SBNO1: variants seen among roughly 807,000 people sequenced by gnomAD.
SBNO1 encodes strawberry notch homolog 1, also known as protein strawberry notch homolog 1.
A neutral mutation model predicts 173.6 loss-of-function variants in SBNO1; 23 were observed. That is an observed-to-expected ratio of 0.13 (90% CI 0.10 to 0.19). The LOEUF (loss-of-function observed/expected upper bound fraction) is 0.19, where lower values mean the gene tolerates loss of function less well. Among genes scored for constraint, SBNO1 ranks in the 10% least tolerant of loss-of-function variants. SBNO1 has a pLI of 1.00. For missense variants in SBNO1, 1,238 were observed against 1,671.2 expected (o/e 0.74, Z 4.52); for synonymous variants, 632 against 571.5 (o/e 1.11, Z -1.51).
chr12:123,360,177 G>A (rs904249705), intron 1 of SBNO1, among the ~76,000 whole-genome samples: 3 of 151,722 alleles, frequency 2.0e-5, no homozygotes, highest in Non-Finnish European at 1.5e-5. Flanking sequence ...TCTGGGAGGC[G>A]GAGCTTGCAG....
At chr12:123,300,864 CAGG>C (rs2048762992) in intron 30 of SBNO1, among the ~76,000 whole-genome samples, 2 of 149,782 alleles carry the variant, frequency 1.3e-5, no homozygotes, top group Admixed American at 6.7e-5. Flanking sequence ...GAGGCTGAGG[CAGG>C]AGAACTGCTT....
intron 30 of SBNO1, among the ~76,000 whole-genome samples, chr12:123,301,625 G>A (rs2048792053): frequency 6.6e-6 from 1 of 152,156 alleles, no homozygotes; most frequent in African/African-American, 2.4e-5. Context: ...CAAGGGGTGA[G>A]GGGGCACAGC....
Position 123,341,021 on chromosome 12 carries a change from G to T in SBNO1, c.618C>A (p.Asn206Lys), listed in dbSNP as rs780595017. The T allele has an allele frequency of 3.1e-6, 5 of 1,602,180 alleles. No homozygotes were observed. The highest frequency in any genetic ancestry group is 4.3e-6 in the Non-Finnish European group (5 of 1,173,260). ...GGGAAAAACTCCTCATCTTCATGTC[G>T]TTTATCCACATTCTAGCTCCTTCTT... ...SNKEGARMWI[N>K]DMKMRSFSPT... Residue 206 changes from asparagine (N) to lysine (K), a missense_variant, in exon 5 of 32, where the codon AAC becomes AAA. Around this residue, in one of 14 missense-constraint regions of SBNO1, gnomAD observed 287 missense variants for 274.1 expected, o/e 1.05. Coordinates refer to ENST00000602398, the MANE Select transcript of SBNO1 (RefSeq NM_001167856.3).
chr12:123,311,716 CTATCTATATATA>C (rs1458899793), intron 24 of SBNO1, among the ~76,000 whole-genome samples: 10 of 60,956 alleles, frequency 1.6e-4, no homozygotes, highest in African/African-American at 2.7e-4. Context: ...ATCTATCTAT[CTATCTATATATA>C]TATATATATA....
At chr12:123,296,653 C>A (rs564725823) in intron 31 of SBNO1, among the ~76,000 whole-genome samples, 10 of 151,868 alleles carry the variant, frequency 6.6e-5, no homozygotes, top group Non-Finnish European at 1.2e-4. Flanking sequence ...CTCCGCCTCC[C>A]GGGTTGAAGT....
chr12:123,325,458 G>T (rs745430884), intron 15 of SBNO1, 44 bp downstream of exon 15: 1 of 1,371,648 alleles, frequency 7.3e-7, no homozygotes, highest in Non-Finnish European at 1.0e-6. Context: ...AGGTAAGGAA[G>T]AACTCAAAAA....
rs894794686 is a variant in SBNO1 at position 123,346,912 on chromosome 12, T to C, written c.237+1117A>G. On this transcript the variant is annotated intron_variant, in intron 3 of 31. Transcript: ENST00000602398. ...GGCCAACATGGTAAAACCCTGTCTC[T>C]ACTAAAGATACAAAAATTAGCCAGG... 4.0e-5 allele frequency among the ~76,000 whole-genome samples: 6 copies of C among 151,478 alleles called. No individual in the cohort carries two copies. The South Asian group carries it at 1.3e-3, about 32-fold the overall frequency.
At chr12:123,361,748 C>T (rs958244503) in intron 1 of SBNO1, among the ~76,000 whole-genome samples, 4 of 114,002 alleles carry the variant, frequency 3.5e-5, no homozygotes, top group South Asian at 5.6e-4. Flanking sequence ...AAAAAAAATA[C>T]AAAATTGCCT....
At chr12:123,322,061 A>T (rs1870042179) in intron 16 of SBNO1, among the ~76,000 whole-genome samples, 1 of 152,234 alleles carries the variant, frequency 6.6e-6, no homozygotes, top group African/African-American at 2.4e-5. Flanking sequence ...TGTGTATCAG[A>T]TTTGAGAAGA....
Position 123,345,557 on chromosome 12 carries a change from G to C in SBNO1, c.251C>G (p.Ser84Cys), listed in dbSNP as rs1037579475. 6.2e-7 allele frequency: 1 copy of C among 1,613,174 alleles called. No homozygotes were observed. Among genetic ancestry groups the C allele is most frequent in the Non-Finnish European group, 8.5e-7 (1 of 1,179,162 alleles). ...TTGATTCAGCACAAATGTTGTAGTA[G>C]ATGGAGGCTGCTGCTAGATAGAAAA... ...ALLNVRQQPP[S>C]TTTFVLNQIN... The change falls in exon 4 of 32, where the codon TCT becomes TGT. Residue 84 changes from serine to cysteine, a missense_variant. Ser to Cys is a moderately radical substitution (Grantham distance 112). Around this residue, in one of 14 missense-constraint regions of SBNO1, gnomAD observed 287 missense variants for 274.1 expected, o/e 1.05. Transcript: ENST00000602398.
chr12:123,300,474 G>A (rs1481982223), intron 30 of SBNO1, among the ~76,000 whole-genome samples: 1 of 152,012 alleles, frequency 6.6e-6, no homozygotes, highest in African/African-American at 2.4e-5. Flanking sequence ...TGGCTAACAC[G>A]GTGAAACCCC....
intron 7 of SBNO1, among the ~76,000 whole-genome samples, chr12:123,332,811 G>A (rs570722859): frequency 2.0e-5 from 3 of 152,134 alleles, no homozygotes; most frequent in East Asian, 1.9e-4. Flanking sequence ...AGGGTGACCC[G>A]CCTGCCTCAG....
At chr12:123,357,411 T>G (rs1593422040) in intron 1 of SBNO1, among the ~76,000 whole-genome samples, 1 of 151,222 alleles carries the variant, frequency 6.6e-6, no homozygotes, top group Non-Finnish European at 1.5e-5. Flanking sequence ...ACTGCACCAC[T>G]GCACTCCAGC....
At chr12:123,323,904 A>T in intron 15 of SBNO1, 73 bp from the exon 16 acceptor site, 2 of 1,139,032 alleles carry the variant, frequency 1.8e-6, no homozygotes, top group Non-Finnish European at 2.4e-6. Context: ...TATTAAATAT[A>T]TTGAAATATA....
At chr12:123,321,883 G>T in intron 16 of SBNO1, 151 bp from the exon 17 acceptor site, 1 of 655,674 alleles carries the variant, frequency 1.5e-6, no homozygotes, top group Non-Finnish European at 2.6e-6. Flanking sequence ...TCACAAACCA[G>T]CACTAACCTT....
intron 28 of SBNO1, among the ~76,000 whole-genome samples, chr12:123,307,798 G>A (rs909287333): frequency 1.3e-5 from 2 of 152,096 alleles, no homozygotes; most frequent in Non-Finnish European, 2.9e-5. Context: ...CATGCCAGGC[G>A]CGGTGGCTCA....
intron 1 of SBNO1, among the ~76,000 whole-genome samples, chr12:123,362,255 T>C (rs1387514476): frequency 6.6e-6 from 1 of 150,422 alleles, no homozygotes; most frequent in Non-Finnish European, 1.5e-5. Flanking sequence ...GCTAACATGG[T>C]GAAACCCCGT....
rs945877107 is a variant in SBNO1 at position 123,364,801 on chromosome 12, G to A, written c.-101C>T. On this transcript the variant is annotated 5_prime_UTR_variant, in exon 1 of 32. Coordinates refer to ENST00000602398, the MANE Select transcript of SBNO1 (RefSeq NM_001167856.3). Reference sequence around the variant, plus strand: ...GGAGGCGGCGGTGGCGGCGGCAGCAGCGGCGTCCTGCTCTGCCTACCTCCC... The same window carrying A: ...GGAGGCGGCGGTGGCGGCGGCAGCAACGGCGTCCTGCTCTGCCTACCTCCC... 3 of 969,446 alleles carry A rather than the reference G, an allele frequency of 3.1e-6. No homozygotes were observed. The highest frequency in any genetic ancestry group is 3.6e-6 in the Non-Finnish European group (3 of 823,826). 60.1% of individuals were successfully genotyped at this position (969,446 alleles called of 1,614,324 possible).
At chr12:123,326,056 T>C (rs577814535) in intron 14 of SBNO1, 96 bp downstream of exon 14, 1,123 of 844,330 alleles carry the variant, frequency 1.3e-3, no homozygotes, top group South Asian at 1.8e-3. Flanking sequence ...TACTATCCTT[T>C]AGGAAAACCA....
Sources: allele counts gnomAD v4.1 joint callset (sites outside exome capture counted in the v4.1 genomes callset), GRCh38; gene constraint gnomAD v4.1.1; regional missense constraint gnomAD v4.1.1; transcripts MANE v1.5; gene names NCBI Gene and HGNC (gene_info 2026-07-23, HGNC 2026-07-21).